The following B4GALNT2 variants were observed in gnomAD, a reference collection of about 807,000 sequenced individuals.
B4GALNT2 encodes N-acetylneuraminylgalactosylglucosyl-glucoside beta-1,4-N- acetylgalactosaminyltransferase 2.
In B4GALNT2, 42 loss-of-function variants were observed where a neutral mutation model predicts 51.1. The observed-to-expected ratio is 0.82, with a 90% CI of 0.64 to 1.06. B4GALNT2 has a LOEUF of 1.06. B4GALNT2 is among the 50% of genes least tolerant of loss of function. The pLI is 0.00. For missense variants in B4GALNT2, 602 were observed against 633.6 expected, an observed-to-expected ratio of 0.95 and a Z score of 0.54; for synonymous variants, 253 against 251.7, an observed-to-expected ratio of 1.01 and a Z score of -0.05.
the B4GALNT2 span, among the ~76,000 whole-genome samples, chr17:49,122,087 G>A: frequency 3.3e-5 from 5 of 152,236 alleles, no homozygotes; most frequent in Admixed American, 3.3e-4. Flanking sequence ...AGTGTCTCTG[G>A]TCGGAGGAGA....
chr17:49,134,589 T>C (rs1040239320), intron 1 of B4GALNT2, among the ~76,000 whole-genome samples: 33 of 151,624 alleles, frequency 2.2e-4, no homozygotes, highest in African/African-American at 7.5e-4. Context: ...ATTTTTGTTA[T>C]TTTATTTTAT....
chr17:49,148,885 G>GTCTCTAT (rs1489819327), intron 3 of B4GALNT2: 3 of 192,628 alleles, frequency 1.6e-5, no homozygotes, highest in Admixed American at 6.1e-5. Flanking sequence ...GAGAAACCCC[G>GTCTCTAT]TCTCTATTAA....
chr17:49,159,172 G>A lies in B4GALNT2; in HGVS notation c.634G>A (p.Val212Met), dbSNP rs140662851. 19 of 1,614,218 alleles carry A rather than the reference G, an allele frequency of 1.2e-5. No homozygotes were observed. The highest frequency in any genetic ancestry group is 1.6e-4 in the Middle Eastern group (1 of 6,062). The change falls in exon 6 of 11, where the codon GTG becomes ATG. Residue 212 changes from valine (V) to methionine (M), a missense_variant. Coordinates refer to ENST00000393354, the MANE Select transcript of B4GALNT2 (RefSeq NM_001159387.2). ...GCTGTTGAAGTTCATTCTTCAGCAC[G>A]TGACATACACCAGCACGGGGTACCA... ...RKLLKFILQHVTYTSTGYQHQ... is the reference protein window; with the variant it reads ...RKLLKFILQHMTYTSTGYQHQ...
intron 1 of B4GALNT2, 180 bp downstream of exon 1, chr17:49,132,986 A>G: frequency 6.9e-7 from 1 of 1,442,202 alleles, no homozygotes; most frequent in East Asian, 2.8e-5. Flanking sequence ...TGCAGAGGCG[A>G]GGTGACGGCG....
upstream of B4GALNT2, among the ~76,000 whole-genome samples, chr17:49,129,281 G>A (rs909137802): frequency 6.6e-5 from 10 of 152,180 alleles, no homozygotes; most frequent in Non-Finnish European, 1.3e-4. Context: ...AGTCAGAGGT[G>A]GATTCCTGAG....
intron 5 of B4GALNT2, among the ~76,000 whole-genome samples, chr17:49,158,610 C>A (rs1398822582): frequency 7.8e-6 from 1 of 127,446 alleles, no homozygotes; most frequent in Non-Finnish European, 1.6e-5. Flanking sequence ...GCACTCCAGC[C>A]TGGGTGACAG....
Position 49,159,034 on chromosome 17 carries a change from T to C in B4GALNT2, c.499-3T>C. On this transcript the variant is annotated splice_region_variant and splice_polypyrimidine_tract_variant and intron_variant, in intron 5 of 10. Transcript: ENST00000393354. Reference sequence around the variant, plus strand: ...GAGCATCATTCTACCTCACCCACCCTAGGTCACCCTGACAGCTTCTCTGGG... The same window carrying C: ...GAGCATCATTCTACCTCACCCACCCCAGGTCACCCTGACAGCTTCTCTGGG... 6.2e-7 allele frequency: 1 copy of C among 1,613,828 alleles called. No homozygotes were observed. The highest frequency in any genetic ancestry group is 1.3e-5 in the African/African-American group (1 of 75,056).
intron 5 of B4GALNT2, 85 bp from the exon 6 acceptor site, chr17:49,158,952 C>A: frequency 3.4e-6 from 5 of 1,473,080 alleles, no homozygotes; most frequent in South Asian, 1.3e-5. Flanking sequence ...TCTGCCCTGG[C>A]TCCTGGCCTG....
At chr17:49,130,795 G>T (rs1486348490), upstream of B4GALNT2, among the ~76,000 whole-genome samples, 1 of 152,116 alleles carries the variant, frequency 6.6e-6, no homozygotes, top group Non-Finnish European at 1.5e-5. Context: ...TATATGCTCT[G>T]GGTTGAGGGG....
chr17:49,159,289 C>T (rs72835413), intron 6 of B4GALNT2, 72 bp downstream of exon 6: 55,489 of 1,462,870 alleles, frequency 0.038, 1,268 homozygotes, highest in Non-Finnish European at 0.043. Flanking sequence ...TCAAAGTCTT[C>T]CTCCTTCAGG....
intron 5 of B4GALNT2, among the ~76,000 whole-genome samples, chr17:49,158,043 T>TA (rs907841374): frequency 8.6e-5 from 13 of 151,444 alleles, no homozygotes; most frequent in African/African-American, 2.9e-4. Context: ...TGGAGAGGAG[T>TA]AAGCCAGTTC....
chr17:49,157,447 A>G (rs2042821980), intron 5 of B4GALNT2, among the ~76,000 whole-genome samples: 1 of 148,530 alleles, frequency 6.7e-6, no homozygotes, highest in Admixed American at 6.8e-5. Context: ...CAGCCTCCCA[A>G]GTAGCTGGGA....
rs376859051 is a variant in B4GALNT2 at position 49,133,190 on chromosome 17, T to G, written c.14+384T>G. The G allele has an allele frequency of 1.8e-5, 27 of 1,507,746 alleles. No individual in the cohort carries two copies. In the African/African-American group the frequency reaches 3.8e-4, roughly 21 times the overall value. 93.4% of individuals were successfully genotyped at this position (1,507,746 alleles called of 1,614,324 possible). On this transcript the variant is annotated intron_variant, in intron 1 of 10. Transcript: ENST00000393354. ...GCGCTGACCCAGCCTGGGGCCCGTT[T>G]GCTGCCCACGGGAGGAGCCGCCGTC...
chr17:49,131,749 G>A (rs2042541068), upstream of B4GALNT2, among the ~76,000 whole-genome samples: 2 of 152,084 alleles, frequency 1.3e-5, no homozygotes, highest in Admixed American at 6.6e-5. Context: ...GGCCTCAAGT[G>A]ATCCACTTGC....
In B4GALNT2 at chr17:49,171,993, C is replaced by T. The variant is rs898283217; in HGVS notation, c.*2265C>T. ...TTGCCAGCCAAGATTGATAAATATG[C>T]CCAATAAGTATAACTGTTCTCTGTG... On this transcript the variant is annotated 3_prime_UTR_variant, in exon 11 of 11. Transcript: ENST00000393354. 23 of 265,650 alleles carry T rather than the reference C, an allele frequency of 8.7e-5. No homozygotes were observed. Among genetic ancestry groups the T allele is most frequent in the African/African-American group, 5.1e-4 (22 of 42,794 alleles). The allele number at this position is 265,650 out of a possible 1,614,324, so 16.5% of individuals were successfully genotyped here.
At position 49,169,895 on chromosome 17, in the gene B4GALNT2, C is replaced by T. The variant is rs28689968; in HGVS notation, c.*167C>T. 68,812 of 623,174 alleles carry T rather than the reference C, an allele frequency of 0.11. 4,613 individuals carry two copies. Among genetic ancestry groups the T allele is most frequent in the African/African-American group, 0.21 (11,541 of 54,134 alleles). The allele number at this position is 623,174 out of a possible 1,614,324, so 38.6% of individuals were successfully genotyped here. ...AGTACCAATCAAAGGTGAAGGGTCACTGGAAATGAACCAGTCACTGACCAG... is the reference window on the plus strand; with the variant it reads ...AGTACCAATCAAAGGTGAAGGGTCATTGGAAATGAACCAGTCACTGACCAG... On this transcript the variant is annotated 3_prime_UTR_variant, in exon 11 of 11. Transcript: ENST00000393354.
At chr17:49,120,878 A>G in the B4GALNT2 span, among the ~76,000 whole-genome samples, 1 of 151,992 alleles carries the variant, frequency 6.6e-6, no homozygotes, top group Non-Finnish European at 1.5e-5. Context: ...CCTCACTGAG[A>G]TCCTAGGGCA....
At chr17:49,123,792 C>T in the B4GALNT2 span, among the ~76,000 whole-genome samples, 1 of 152,152 alleles carries the variant, frequency 6.6e-6, no homozygotes, top group African/African-American at 2.4e-5. Flanking sequence ...GATCAGAAAC[C>T]CTGTACAGGG....
At chr17:49,159,398 G>C (rs1174788119) in intron 6 of B4GALNT2, among the ~76,000 whole-genome samples, 181 bp downstream of exon 6, 2 of 151,912 alleles carry the variant, frequency 1.3e-5, no homozygotes, top group Non-Finnish European at 2.9e-5. Context: ...CTGGAGTGCA[G>C]TTCTGTGATC....
Sources: allele counts gnomAD v4.1 joint callset (sites outside exome capture counted in the v4.1 genomes callset), GRCh38; gene constraint gnomAD v4.1.1; transcripts MANE v1.5; gene names NCBI Gene and HGNC (gene_info 2026-07-23, HGNC 2026-07-21).